The following SOX6 variants were observed in gnomAD, a reference collection of about 807,000 sequenced individuals.
SOX6 encodes SRY-box transcription factor 6.
Under a neutral mutation model 97.8 loss-of-function variants are expected in SOX6, and 11 were observed. The ratio of observed to expected loss-of-function variants is 0.11; its 90% CI spans 0.07 to 0.19. The LOEUF is 0.19. SOX6 is among the 10% of genes least tolerant of loss of function. The pLI, the probability that SOX6 is intolerant of heterozygous loss-of-function variation, is 1.00. For missense variants in SOX6, 810 were observed against 1,039.5 expected (o/e 0.78, Z 3.04); for synonymous variants, 360 against 371.4 (o/e 0.97, Z 0.35).
At chr11:16,176,923 T>C (rs1249980817) in intron 6 of SOX6, among the ~76,000 whole-genome samples, 1 of 151,908 alleles carries the variant, frequency 6.6e-6, no homozygotes, top group African/African-American at 2.4e-5. Context: ...CTCTGGTCTA[T>C]ACCTCAGTTT....
chr11:15,998,996 GA>G (rs1218379731), intron 13 of SOX6, among the ~76,000 whole-genome samples: 1 of 151,828 alleles, frequency 6.6e-6, no homozygotes, highest in Non-Finnish European at 1.5e-5. Flanking sequence ...GCACATACTG[GA>G]AAAAATATTT....
At chr11:16,110,087 A>G (rs1849192237) in intron 7 of SOX6, among the ~76,000 whole-genome samples, 1 of 152,184 alleles carries the variant, frequency 6.6e-6, no homozygotes, top group Admixed American at 6.5e-5. Context: ...TAATAAAACA[A>G]TATCTTCCCC....
At chr11:16,125,397 A>G (rs1225413790) in intron 6 of SOX6, among the ~76,000 whole-genome samples, 2 of 152,138 alleles carry the variant, frequency 1.3e-5, no homozygotes, top group Non-Finnish European at 2.9e-5. Flanking sequence ...CAAATTTTCT[A>G]TGGAAAAAAA....
chr11:16,322,139 C>T (rs1855945721), intron 2 of SOX6, among the ~76,000 whole-genome samples: 1 of 152,050 alleles, frequency 6.6e-6, no homozygotes, highest in Non-Finnish European at 1.5e-5. Flanking sequence ...GGTCCAATGA[C>T]ACATCAATTG....
intron 7 of SOX6, among the ~76,000 whole-genome samples, chr11:16,108,205 T>TTATTATCATA (rs1222830576): frequency 2.6e-5 from 4 of 152,142 alleles, no homozygotes. Context: ...TTAGCTATTA[T>TTATTATCATA]TATTATCATA....
intron 4 of SOX6, among the ~76,000 whole-genome samples, chr11:16,594,840 G>A (rs1354836739): frequency 6.6e-5 from 10 of 151,704 alleles, no homozygotes; most frequent in Non-Finnish European, 1.3e-4. Flanking sequence ...ACAGGCCCCC[G>A]CCACCATGCC....
rs1848343729 is a variant in SOX6 at position 16,607,106 on chromosome 11, C to T, written n.609+4975G>A. 1 of 153,532 alleles carries T rather than the reference C, an allele frequency of 6.5e-6. No homozygotes were observed. Among genetic ancestry groups the T allele is most frequent in the Non-Finnish European group, 1.4e-5 (1 of 69,174 alleles). The allele number at this position is 153,532 out of a possible 1,614,324, so 9.5% of individuals were successfully genotyped here. A position where few individuals can be genotyped will look rare whatever the true frequency, so the allele number is the denominator to read the frequency against. On this transcript the variant is annotated intron_variant and non_coding_transcript_variant, in intron 4 of 5. Transcript: ENST00000524520. This position sits in a 1 kb window ranked among gnomAD's most constrained non-coding sequence, Gnocchi z 6.5. ...CCCGGCCACCCGCGCCCTCTCGGGG[C>T]TCCGCTCGCTCGGCTCTCGTCCCTC...
At chr11:16,401,034 C>T (rs1225158450) in intron 1 of SOX6, among the ~76,000 whole-genome samples, 1 of 151,536 alleles carries the variant, frequency 6.6e-6, no homozygotes, top group African/African-American at 2.4e-5. Context: ...TTACAATATT[C>T]TGCCAAATGT....
intron 2 of SOX6, among the ~76,000 whole-genome samples, chr11:16,731,519 G>C (rs1848350011): frequency 6.6e-6 from 1 of 152,146 alleles, no homozygotes; most frequent in Non-Finnish European, 1.5e-5. Context: ...AATAGATGCA[G>C]AAAAGGCCTT....
chr11:16,651,743 G>A (rs1401556317), intron 3 of SOX6, among the ~76,000 whole-genome samples: 1 of 151,854 alleles, frequency 6.6e-6, no homozygotes, highest in Non-Finnish European at 1.5e-5. Context: ...TCACCACTTC[G>A]ATTCAACATA....
chr11:15,973,189 A>G, intron 15 of SOX6, 77 bp from the exon 16 acceptor site: 1 of 1,400,600 alleles, frequency 7.1e-7, no homozygotes, highest in Non-Finnish European at 1.0e-6. Context: ...TGGAATTCAC[A>G]CCCTACACTT....
intron 13 of SOX6, among the ~76,000 whole-genome samples, chr11:16,003,258 C>T (rs2119917680): frequency 6.6e-6 from 1 of 152,022 alleles, no homozygotes; most frequent in East Asian, 1.9e-4. Context: ...TCCAGTTCTC[C>T]ACACACTGTG....
chr11:16,087,215 GTA>G (rs768664637), intron 9 of SOX6, among the ~76,000 whole-genome samples: 12 of 151,994 alleles, frequency 7.9e-5, no homozygotes, highest in Non-Finnish European at 1.6e-4. Flanking sequence ...TATAAAATAG[GTA>G]TGTGTTTATA....
intron 6 of SOX6, among the ~76,000 whole-genome samples, chr11:16,132,332 AAAGAAAAAAG>A (rs2134021863): frequency 9.5e-6 from 1 of 105,168 alleles, no homozygotes; most frequent in African/African-American, 3.6e-5. Flanking sequence ...GGAAGGAAGG[AAAGAAAAAAG>A]AAAGAAAGAA....
chr11:16,358,600 A>G (rs1428801784), upstream of SOX6, among the ~76,000 whole-genome samples: 1 of 152,112 alleles, frequency 6.6e-6, no homozygotes, highest in African/African-American at 2.4e-5. Context: ...AAGTGTTTGG[A>G]GAAATTATCT....
Position 15,970,562 on chromosome 11 carries a change from T to C in SOX6, c.*2247A>G, listed in dbSNP as rs749071830. On this transcript the variant is annotated 3_prime_UTR_variant, in exon 16 of 16. Transcript: ENST00000683767. ...TAAGACAATAATAAATACTCATTTT[T>C]TGAGAGAAAAAATGACCTCCTCCTC... 1 of 152,586 alleles carries C rather than the reference T, an allele frequency of 6.6e-6. No homozygotes were observed. Among genetic ancestry groups the C allele is most frequent in the African/African-American group, 2.4e-5 (1 of 41,430 alleles). The allele number at this position is 152,586 out of a possible 1,614,324, so 9.5% of individuals were successfully genotyped here. A position where few individuals can be genotyped will look rare whatever the true frequency, so the allele number is the denominator to read the frequency against.
chr11:16,457,838 G>C (rs1859841944), intron 1 of SOX6, among the ~76,000 whole-genome samples: 1 of 152,014 alleles, frequency 6.6e-6, no homozygotes, highest in East Asian at 1.9e-4. Flanking sequence ...AAGTTATACT[G>C]ACTCACACAA....
chr11:16,360,205 T>C (rs1376446302), upstream of SOX6, among the ~76,000 whole-genome samples: 2 of 152,152 alleles, frequency 1.3e-5, no homozygotes, highest in Non-Finnish European at 2.9e-5. Flanking sequence ...TCTAAAGTTG[T>C]ACAACTAGTA....
intron 4 of SOX6, among the ~76,000 whole-genome samples, chr11:16,519,090 T>A (rs773859996): frequency 5.9e-5 from 9 of 152,106 alleles, no homozygotes; most frequent in Non-Finnish European, 1.0e-4. Context: ...CATGTCCCAG[T>A]AAGAAAGAGA....
Sources: gnomAD v4.1 joint callset for allele counts (sites outside exome capture counted in the v4.1 genomes callset) on GRCh38, gnomAD v4.1.1 for gene constraint, Gnocchi (gnomAD v3.1) non-coding constraint, MANE v1.5 for transcripts, NCBI Gene and HGNC (gene_info 2026-07-23, HGNC 2026-07-21) for gene names.